Variants in STING1 observed in about 807,000 individuals in gnomAD.
STING1 encodes stimulator of interferon response cGAMP interactor 1.
STING1 carries 19 observed loss-of-function variants against 31.6 expected under a neutral mutation model. The ratio of observed to expected loss-of-function variants is 0.60; its 90% CI spans 0.42 to 0.88. The LOEUF (loss-of-function observed/expected upper bound fraction) is 0.88. Among genes scored for constraint, STING1 ranks in the 40% least tolerant of loss-of-function variants. The pLI is 0.00. For missense variants in STING1, 371 were observed against 483.7 expected, an observed-to-expected ratio of 0.77 and a Z score of 2.19; for synonymous variants, 200 against 208.6, an observed-to-expected ratio of 0.96 and a Z score of 0.35.
intron 7 of STING1, among the ~76,000 whole-genome samples, chr5:139,476,983 C>G (rs1046516585): frequency 6.6e-6 from 1 of 151,674 alleles, no homozygotes; most frequent in African/African-American, 2.4e-5. Context: ...CAGAGAGGAG[C>G]AGAAACCTGC....
chr5:139,481,016 A>AC lies in STING1; in HGVS notation c.412-119dup. The AC allele has an allele frequency of 8.3e-7, 1 of 1,208,564 alleles. No homozygotes were observed. 74.9% of individuals were successfully genotyped at this position (1,208,564 alleles called of 1,614,324 possible). On this transcript the variant is annotated intron_variant, in intron 4 of 7. Coordinates refer to ENST00000330794, the MANE Select transcript of STING1 (RefSeq NM_198282.4). The surrounding 1 kb of genome is among the most constrained non-coding windows in gnomAD (Gnocchi z 4.1). The stretch of plus-strand genomic sequence containing the variant: ...TTGATCCCTCTTTTGCCATTGCCAA[A>AC]CCCACTGTTCCAGGACATTATAGGT...
rs1751834004 is a variant in STING1 at position 139,481,252 on chromosome 5, G to A, written c.318C>T (p.Tyr106=). The A allele has an allele frequency of 1.2e-6, 2 of 1,614,152 alleles. No individual in the cohort carries two copies. Among genetic ancestry groups the A allele is most frequent in the Non-Finnish European group, 8.5e-7 (1 of 1,180,002 alleles). The change falls in exon 4 of 8, where the codon TAC becomes TAT. Residue 106 remains tyrosine, a synonymous_variant. Transcript: ENST00000330794. This position sits in a 1 kb window ranked among gnomAD's most constrained non-coding sequence, Gnocchi z 4.1. The part of the protein sequence containing the change: ...GALLLLSIYF[Y]YSLPNAVGPP... ...GGCCGACCGCATTTGGGAGGGAGTA[G>A]TAGAAATAGATGGACAGCAGCAACA...
In STING1 at chr5:139,481,917, C is replaced by T; in HGVS notation, c.1-213G>A. 1.8e-6 allele frequency: 1 copy of T among 559,910 alleles called. No homozygotes were observed. The highest frequency in any genetic ancestry group is 3.2e-6 in the Non-Finnish European group (1 of 314,218). 34.7% of individuals were successfully genotyped at this position (559,910 alleles called of 1,614,324 possible). A position where few individuals can be genotyped will look rare whatever the true frequency, so the allele number is the denominator to read the frequency against. On this transcript the variant is annotated intron_variant, in intron 2 of 7. Transcript: ENST00000330794. This position sits in a 1 kb window ranked among gnomAD's most constrained non-coding sequence, Gnocchi z 4.1. ...GAGGTTTGCTGAAAACAGAGCAGGG[C>T]CTGCACATACACGCCCCACCAAGAC...
At chr5:139,479,848 C>CAAAAAAAAAA (rs1168023127) in intron 5 of STING1, among the ~76,000 whole-genome samples, 16 of 34,912 alleles carry the variant, frequency 4.6e-4, no homozygotes, top group East Asian at 1.4e-3. Flanking sequence ...ACTAAAAATA[C>CAAAAAAAAAA]AAAAAAAAAA....
chr5:139,481,352 A>T lies in STING1; in HGVS notation c.228-10T>A. The T allele has an allele frequency of 6.3e-7, 1 of 1,584,834 alleles. No homozygotes were observed. The highest frequency in any genetic ancestry group is 8.6e-7 in the Non-Finnish European group (1 of 1,164,222). ...GTAGCTGCCCCGGTACCTGTGAGTG[A>T]CAGCCAGACCCCAGACCCCAGCCCC... is the stretch of plus-strand genomic sequence containing the variant. On this transcript the variant is annotated splice_polypyrimidine_tract_variant and intron_variant, in intron 3 of 7. Transcript: ENST00000330794. The surrounding 1 kb of genome is among the most constrained non-coding windows in gnomAD (Gnocchi z 4.1).
chr5:139,479,490 T>G (rs1450857363), intron 5 of STING1, among the ~76,000 whole-genome samples: 1 of 151,014 alleles, frequency 6.6e-6, no homozygotes, highest in East Asian at 1.9e-4. Flanking sequence ...TCACCTGAGG[T>G]CAGGAGTTTG....
rs201699999 is a variant in STING1 at position 139,481,235 on chromosome 5, G to A, written c.335C>T (p.Ala112Val). 5.0e-6 allele frequency: 8 copies of A among 1,614,162 alleles called. No homozygotes were observed. Among genetic ancestry groups the A allele is most frequent in the African/African-American group, 1.3e-5 (1 of 75,040 alleles). The change falls in exon 4 of 8, where the codon GCG (alanine) becomes GTG (valine). Residue 112 changes from alanine to valine, a missense_variant. Transcript: ENST00000330794. The surrounding 1 kb of genome is among the most constrained non-coding windows in gnomAD (Gnocchi z 4.1). The stretch of plus-strand genomic sequence containing the variant: ...CATCCAAGTGAAGGGCGGGCCGACC[G>A]CATTTGGGAGGGAGTAGTAGAAATA... ...SIYFYYSLPN[A>V]VGPPFTWMLA...
intron 5 of STING1, chr5:139,479,204 G>A (rs1751755592): frequency 6.6e-6 from 1 of 151,976 alleles, no homozygotes; most frequent in South Asian, 2.1e-4. Flanking sequence ...TGTACTCCAG[G>A]CTGGGTAACA....
chr5:139,480,698 T>C, intron 5 of STING1, 92 bp downstream of exon 5: 1 of 775,066 alleles, frequency 1.3e-6, no homozygotes, highest in Non-Finnish European at 2.2e-6. Context: ...TTGAAAAATA[T>C]AGTGAGTTCT....
At position 139,478,266 on chromosome 5, in the gene STING1, T is replaced by C; in HGVS notation, c.759+4A>G. 1.9e-6 allele frequency: 3 copies of C among 1,610,414 alleles called. No homozygotes were observed. The highest frequency in any genetic ancestry group is 2.2e-5 in the South Asian group (2 of 90,848). On this transcript the variant is annotated splice_donor_region_variant and intron_variant, in intron 6 of 7. Transcript: ENST00000330794. ...CAGAGACCCCCACTCCCCTGCACAC[T>C]TACCCGCTGCCCGTTCTCCAGAAGC...
chr5:139,479,642 C>T (rs898842789), intron 5 of STING1, among the ~76,000 whole-genome samples: 1 of 150,490 alleles, frequency 6.6e-6, no homozygotes, highest in Non-Finnish European at 1.5e-5. Context: ...GCAGAAGTTG[C>T]AGTGAGCCCA....
In STING1 at chr5:139,481,915, G is replaced by T; in HGVS notation, c.1-211C>A. The T allele has an allele frequency of 1.8e-6, 1 of 561,332 alleles. No homozygotes were observed. Among genetic ancestry groups the T allele is most frequent in the Non-Finnish European group, 3.2e-6 (1 of 315,136 alleles). The allele number at this position is 561,332 out of a possible 1,614,324, so 34.8% of individuals were successfully genotyped here. On this transcript the variant is annotated intron_variant, in intron 2 of 7. Transcript: ENST00000330794. The surrounding 1 kb of genome is among the most constrained non-coding windows in gnomAD (Gnocchi z 4.1). ...GCGAGGTTTGCTGAAAACAGAGCAG[G>T]GCCTGCACATACACGCCCCACCAAG...
intron 6 of STING1, 128 bp from the exon 7 acceptor site, chr5:139,477,643 A>G (rs898621943): frequency 2.1e-6 from 2 of 965,316 alleles, no homozygotes; most frequent in Non-Finnish European, 3.0e-6. Context: ...GTAACGATAG[A>G]GTCCTGGGAG....
Position 139,476,237 on chromosome 5 carries a change from G to C in STING1, c.*24C>G, listed in dbSNP as rs752914016. 9.1e-6 allele frequency: 14 copies of C among 1,545,530 alleles called. No individual in the cohort carries two copies. The Admixed American group carries it at 2.7e-4, about 30-fold the overall frequency. On this transcript the variant is annotated 3_prime_UTR_variant, in exon 8 of 8. Transcript: ENST00000330794. ...TCCAGAGGCTTGGAGACCACTGGAG[G>C]CTCTGGCCTGGTGACCCTGGGTCTC...
intron 1 of STING1, 23 bp from the exon 2 acceptor site, chr5:139,482,325 G>C (rs758847960): frequency 1.3e-5 from 2 of 152,198 alleles, no homozygotes; most frequent in African/African-American, 2.4e-5. Flanking sequence ...TGTTAACAAC[G>C]ATTGGTTTCT....
rs1379034075 is a variant in STING1 at position 139,478,380 on chromosome 5, G to C, written c.649C>G (p.Pro217Ala). The C allele has an allele frequency of 6.2e-6, 10 of 1,614,176 alleles. No individual in the cohort carries two copies. Among genetic ancestry groups the C allele is most frequent in the Non-Finnish European group, 8.5e-6 (10 of 1,180,034 alleles). The change falls in exon 6 of 8, where the codon CCC (proline) becomes GCC (alanine). Residue 217 changes from proline to alanine, a missense_variant. Coordinates refer to ENST00000330794, the MANE Select transcript of STING1 (RefSeq NM_198282.4). The stretch of plus-strand genomic sequence containing the variant: ...AGTTTATCCAGGAAGCGAATGTTGG[G>C]GTCAGCCATACTCAGGTTATCAGGC... ...GVPDNLSMAD[P>A]NIRFLDKLPQ...
rs777336363 is a variant in STING1, at chr5:139,481,313, C to T, written c.257G>A (p.Arg86Gln). 25 of 1,605,382 alleles carry T rather than the reference C, an allele frequency of 1.6e-5. No individual in the cohort carries two copies. The highest frequency in any genetic ancestry group is 6.7e-5 in the South Asian group (6 of 89,250). Residue 86 changes from arginine (R) to glutamine (Q), a missense_variant, in exon 4 of 8, where the codon CGG becomes CAG. Transcript: ENST00000330794. This position sits in a 1 kb window ranked among gnomAD's most constrained non-coding sequence, Gnocchi z 4.1. The part of the protein sequence containing the change: ...RYRGSYWRTV[R>Q]ACLGCPLRRG... Reference sequence around the variant, plus strand: ...GCGGAGGGGGCAGCCCAGGCAGGCCCGCACAGTCCTCCAGTAGCTGCCCCG... The same window carrying T: ...GCGGAGGGGGCAGCCCAGGCAGGCCTGCACAGTCCTCCAGTAGCTGCCCCG...
chr5:139,481,100 A>G lies in STING1; in HGVS notation c.411+59T>C. The G allele has an allele frequency of 6.6e-7, 1 of 1,523,612 alleles. No individual in the cohort carries two copies. The highest frequency in any genetic ancestry group is 9.1e-7 in the Non-Finnish European group (1 of 1,099,022). 94.4% of individuals were successfully genotyped at this position (1,523,612 alleles called of 1,614,324 possible). On this transcript the variant is annotated intron_variant, in intron 4 of 7. Coordinates refer to ENST00000330794, the MANE Select transcript of STING1 (RefSeq NM_198282.4). This position sits in a 1 kb window ranked among gnomAD's most constrained non-coding sequence, Gnocchi z 4.1. ...CCACTCCCAGTACTCAGCTCAGGGC[A>G]GGTCACACCAGCCACAGCCACCACT... is the stretch of plus-strand genomic sequence containing the variant.
intron 1 of STING1, 91 bp from the exon 2 acceptor site, chr5:139,482,393 G>A (rs917921329): frequency 6.6e-6 from 1 of 152,280 alleles, no homozygotes; most frequent in Non-Finnish European, 1.5e-5. Flanking sequence ...TGCTGGGAAG[G>A]AGGGTATTTC....
Sources: allele counts gnomAD v4.1 joint callset (sites outside exome capture counted in the v4.1 genomes callset), GRCh38; gene constraint gnomAD v4.1.1; non-coding constraint Gnocchi (gnomAD v3.1); transcripts MANE v1.5; gene names NCBI Gene and HGNC (gene_info 2026-07-23, HGNC 2026-07-21).